Variants in SCAF11 observed in about 807,000 individuals in gnomAD.
SCAF11 encodes the protein SR-related CTD associated factor 11, also known as protein SCAF11.
A neutral mutation model predicts 140.5 loss-of-function variants in SCAF11; 47 were observed. That is an observed-to-expected ratio of 0.33 (90% CI 0.26 to 0.43). The LOEUF (loss-of-function observed/expected upper bound fraction) is 0.43, where lower values mean the gene tolerates loss of function less well. SCAF11 is among the 20% of genes least tolerant of loss of function. The probability of loss-of-function intolerance (pLI) is 1.00; values close to 1 mark genes in which losing one functional copy is unlikely to be tolerated. For synonymous variants in SCAF11, 557 were observed against 579.4 expected, an observed-to-expected ratio of 0.96 and a Z score of 0.55; for missense variants, 1,645 against 1,705.1, an observed-to-expected ratio of 0.96 and a Z score of 0.62.
intron 10 of SCAF11, 74 bp downstream of exon 10, chr12:45,931,430 AAC>A: frequency 1.4e-6 from 1 of 728,532 alleles, no homozygotes; most frequent in East Asian, 3.4e-5. Flanking sequence ...TAAGTCATCA[AAC>A]ACACATTTTT....
At chr12:45,978,842 TAAAG>T (rs1390591311) in intron 1 of SCAF11, among the ~76,000 whole-genome samples, 1 of 152,002 alleles carries the variant, frequency 6.6e-6, no homozygotes, top group African/African-American at 2.4e-5. Flanking sequence ...TTGCAAATAA[TAAAG>T]AAAGCTCTCT....
Position 45,933,119 on chromosome 12 carries a change from T to A in SCAF11, c.734+12A>T. 6.3e-7 allele frequency: 1 copy of A among 1,579,914 alleles called. No individual in the cohort carries two copies. The highest frequency in any genetic ancestry group is 1.1e-5 in the South Asian group (1 of 90,100). On this transcript the variant is annotated intron_variant, in intron 9 of 14. Transcript: ENST00000369367. Reference sequence around the variant, plus strand: ...CATGTAAACACCTGAGTAAATAATTTTTTATTTTTACCTTCCAATTCCAGG... The same window carrying A: ...CATGTAAACACCTGAGTAAATAATTATTTATTTTTACCTTCCAATTCCAGG...
chr12:45,973,841 A>C (rs1407645536), intron 1 of SCAF11, among the ~76,000 whole-genome samples: 1 of 152,216 alleles, frequency 6.6e-6, no homozygotes, highest in Non-Finnish European at 1.5e-5. Flanking sequence ...AAAATTCTTA[A>C]ATGAAGTTGT....
intron 1 of SCAF11, among the ~76,000 whole-genome samples, chr12:45,987,680 T>C (rs966052860): frequency 2.0e-5 from 3 of 152,084 alleles, no homozygotes; most frequent in Non-Finnish European, 4.4e-5. Flanking sequence ...GGTGAGGAGA[T>C]GAAGTCAGAG....
chr12:45,950,296 T>G (rs994170612), intron 4 of SCAF11, among the ~76,000 whole-genome samples: 6 of 152,086 alleles, frequency 3.9e-5, no homozygotes, highest in African/African-American at 1.4e-4. Flanking sequence ...AAAAAGATAA[T>G]GAAGTGAAGA....
At chr12:45,934,105 T>C (rs1430004561) in intron 8 of SCAF11, 71 bp downstream of exon 8, 1 of 891,082 alleles carries the variant, frequency 1.1e-6, no homozygotes, top group Non-Finnish European at 1.6e-6. Context: ...AGAGTTTAAA[T>C]TTCTAGCAAA....
intron 6 of SCAF11, among the ~76,000 whole-genome samples, chr12:45,941,571 G>A (rs138317780): frequency 1.3e-3 from 193 of 151,892 alleles, no homozygotes; most frequent in African/African-American, 4.4e-3. Flanking sequence ...TATCTTCCCC[G>A]CTCCCAAAAA....
chr12:45,947,703 G>A (rs111280279), intron 5 of SCAF11, among the ~76,000 whole-genome samples: 10 of 152,322 alleles, frequency 6.6e-5, no homozygotes, highest in African/African-American at 2.4e-4. Flanking sequence ...TTGAGACAGA[G>A]TCTTGCTCTG....
chr12:45,934,036 C>A, intron 8 of SCAF11, 140 bp downstream of exon 8: 3 of 532,172 alleles, frequency 5.6e-6, no homozygotes, highest in Non-Finnish European at 9.9e-6. Flanking sequence ...CCTTCCCCCC[C>A]GCCCAAAAAA....
chr12:45,945,842 TTTATTC>T (rs1461139760), intron 5 of SCAF11, among the ~76,000 whole-genome samples: 1 of 151,992 alleles, frequency 6.6e-6, no homozygotes, highest in East Asian at 1.9e-4. Context: ...TAATATATTT[TTTATTC>T]TTATTCTTAT....
At chr12:45,945,140 T>G (rs1418312051) in intron 6 of SCAF11, 109 bp downstream of exon 6, 4 of 731,238 alleles carry the variant, frequency 5.5e-6, no homozygotes, top group Non-Finnish European at 9.6e-6. Context: ...TACAGAGTTC[T>G]GAGGACTATT....
intron 6 of SCAF11, 58 bp downstream of exon 6, chr12:45,945,191 C>T: frequency 1.0e-6 from 1 of 982,056 alleles, no homozygotes; most frequent in African/African-American, 1.7e-5. Context: ...CTGACACAAC[C>T]ATTAAATTAA....
At chr12:45,925,215 T>G in intron 11 of SCAF11, 141 bp from the exon 12 acceptor site, 1 of 634,888 alleles carries the variant, frequency 1.6e-6, no homozygotes. Flanking sequence ...ATTGCTTAAT[T>G]TAATCCTGTC....
chr12:45,956,095 C>T (rs897781800), intron 3 of SCAF11: 43 of 714,960 alleles, frequency 6.0e-5, no homozygotes, highest in African/African-American at 1.0e-4. Flanking sequence ...GAACAAGAAA[C>T]CTTCCTTATT....
At chr12:45,972,644 T>A (rs1946104068) in intron 1 of SCAF11, among the ~76,000 whole-genome samples, 1 of 129,336 alleles carries the variant, frequency 7.7e-6, no homozygotes, top group African/African-American at 2.9e-5. Context: ...ACATTTTCCA[T>A]AGCATTTAAA....
In SCAF11 at chr12:45,922,530, G is replaced by A. The variant is rs1295993758; in HGVS notation, c.4178C>T (p.Pro1393Leu). Residue 1393 changes from proline (P) to leucine (L), a missense_variant, in exon 14 of 15, where the codon CCA becomes CTA. Pro to Leu is a moderately conservative substitution (Grantham distance 98). Around this residue, in one of 2 missense-constraint regions of SCAF11, gnomAD observed 63 missense variants for 95.9 expected, o/e 0.66. Transcript: ENST00000369367. ...GGTGATATCTTTATTTTGGTAAAAT[G>A]GCTTGATGGCCAATTTTACCTCTTG... is the stretch of plus-strand genomic sequence containing the variant. ...AAQEVKLAIK[P>L]FYQNKDITKE... 1 of 1,598,592 alleles carries A rather than the reference G, an allele frequency of 6.3e-7. No homozygotes were observed.
Position 45,921,896 on chromosome 12 carries a change from T to G in SCAF11, c.*152A>C, listed in dbSNP as rs575402200. 43 of 891,758 alleles carry G rather than the reference T, an allele frequency of 4.8e-5. No individual in the cohort carries two copies. Among genetic ancestry groups the G allele is most frequent in the Non-Finnish European group, 6.6e-5 (39 of 590,732 alleles). The allele number at this position is 891,758 out of a possible 1,614,324, so 55.2% of individuals were successfully genotyped here. A position where few individuals can be genotyped will look rare whatever the true frequency, so the allele number is the denominator to read the frequency against. On this transcript the variant is annotated 3_prime_UTR_variant, in exon 15 of 15. Transcript: ENST00000369367. ...AGAAGTTGCAGTGCAGACCTATATT[T>G]ATTTAGAACAAAACATCATATCCTA...
Position 45,924,892 on chromosome 12 carries a change from T to A in SCAF11, c.3742A>T (p.Asn1248Tyr), listed in dbSNP as rs774912568. ...PLMNIQRNPF[N>Y]IHPQLPLHLH... ...TGCAAGGGTAGCTGAGGATGAATGTTAAATGGATTGCGTTGGATGTTCATC... is the reference window on the plus strand; with the variant it reads ...TGCAAGGGTAGCTGAGGATGAATGTAAAATGGATTGCGTTGGATGTTCATC... The change falls in exon 12 of 15, where the codon AAC becomes TAC. Residue 1248 changes from asparagine to tyrosine, a missense_variant. Asn to Tyr is a moderately radical substitution (Grantham distance 143). This residue lies in a region of SCAF11 where 1,582 missense variants were observed against 1,609.2 expected (regional missense o/e 0.98). Transcript: ENST00000369367. The A allele has an allele frequency of 6.2e-7, 1 of 1,614,122 alleles. No homozygotes were observed. Among genetic ancestry groups the A allele is most frequent in the South Asian group, 1.1e-5 (1 of 91,086 alleles).
Position 45,933,068 on chromosome 12 carries a change from T to A in SCAF11, c.734+63A>T. The A allele has an allele frequency of 3.8e-6, 4 of 1,065,740 alleles. No individual in the cohort carries two copies. In the South Asian group the frequency reaches 5.4e-5, roughly 14 times the overall value. 66.0% of individuals were successfully genotyped at this position (1,065,740 alleles called of 1,614,324 possible). On this transcript the variant is annotated intron_variant, in intron 9 of 14. Coordinates refer to ENST00000369367, the MANE Select transcript of SCAF11 (RefSeq NM_004719.3). ...TGAATAAGGTACCCTTGTACTTAAGTACTAATGCTATCTTGTTCATGTTAG... is the reference window on the plus strand; with the variant it reads ...TGAATAAGGTACCCTTGTACTTAAGAACTAATGCTATCTTGTTCATGTTAG...
Sources: gnomAD v4.1 joint callset for allele counts (sites outside exome capture counted in the v4.1 genomes callset) on GRCh38, gnomAD v4.1.1 for gene constraint, gnomAD v4.1.1 regional missense constraint, MANE v1.5 for transcripts, NCBI Gene and HGNC (gene_info 2026-07-23, HGNC 2026-07-21) for gene names.